CCDC171: variants seen among roughly 807,000 people sequenced by gnomAD.
CCDC171 encodes coiled-coil domain containing 171.
Under a neutral mutation model 168.2 loss-of-function variants are expected in CCDC171, and 177 were observed. That is an observed-to-expected ratio of 1.05 (90% CI 0.93 to 1.19). The LOEUF (loss-of-function observed/expected upper bound fraction) is 1.19, where lower values mean the gene tolerates loss of function less well. Ranked by LOEUF, CCDC171 falls within the 50% of genes most tolerant of loss-of-function variation. The pLI, the probability that CCDC171 is intolerant of heterozygous loss-of-function variation, is 0.00. For synonymous variants in CCDC171, 687 were observed against 540.8 expected (o/e 1.27, Z -3.75); for missense variants, 1,991 against 1,539.0 (o/e 1.29, Z -4.91).
At chr9:15,583,551 A>C (rs891055205) in intron 4 of CCDC171, among the ~76,000 whole-genome samples, 1 of 152,342 alleles carries the variant, frequency 6.6e-6, no homozygotes, top group African/African-American at 2.4e-5. Context: ...AGGAATAGAA[A>C]ACCACTTATA....
At chr9:16,104,876 A>T in the CCDC171 span, among the ~76,000 whole-genome samples, 3 of 152,192 alleles carry the variant, frequency 2.0e-5, no homozygotes, top group African/African-American at 7.2e-5. Context: ...AGACATAAGT[A>T]ATCACAGATA....
chr9:15,894,297 G>A (rs907205418), intron 24 of CCDC171, among the ~76,000 whole-genome samples: 3 of 152,038 alleles, frequency 2.0e-5, no homozygotes, highest in East Asian at 1.9e-4. Flanking sequence ...TGGGGGAAGA[G>A]CATCAGGAAG....
chr9:15,979,277 G>A (rs1045380539), intron 3 of CCDC171, among the ~76,000 whole-genome samples: 1 of 151,960 alleles, frequency 6.6e-6, no homozygotes, highest in Admixed American at 6.6e-5. Flanking sequence ...AATGCCTTTC[G>A]TTTCTTCTTC....
chr9:16,023,598 G>A (rs1224044104), intron 6 of CCDC171, among the ~76,000 whole-genome samples: 1 of 152,194 alleles, frequency 6.6e-6, no homozygotes, highest in Non-Finnish European at 1.5e-5. Context: ...ATGTTTGCAT[G>A]AAGTCCCTGA....
intron 18 of CCDC171, among the ~76,000 whole-genome samples, chr9:15,761,206 T>C (rs2056427451): frequency 6.6e-6 from 1 of 152,190 alleles, no homozygotes; most frequent in African/African-American, 2.4e-5. Context: ...ATGACCCAAA[T>C]ATACCCCTGC....
the CCDC171 span, among the ~76,000 whole-genome samples, chr9:16,079,340 A>T: frequency 6.6e-6 from 1 of 152,224 alleles, no homozygotes; most frequent in Admixed American, 6.5e-5. Context: ...ATTTGGAGCT[A>T]GGGTCTTCAC....
chr9:16,079,821 C>A, the CCDC171 span, among the ~76,000 whole-genome samples: 1 of 152,184 alleles, frequency 6.6e-6, no homozygotes, highest in African/African-American at 2.4e-5. Flanking sequence ...ACAATGCTTA[C>A]AATTTAGCAG....
At position 15,675,040 on chromosome 9, in the gene CCDC171, G is replaced by T. The variant is rs535918953; in HGVS notation, c.1077-3718G>T. 9.9e-5 allele frequency among the ~76,000 whole-genome samples: 15 copies of T among 152,184 alleles called. No homozygotes were observed. The South Asian group carries it at 3.1e-3, about 32-fold the overall frequency. The stretch of plus-strand genomic sequence containing the variant: ...AAGGACTTGCTTTATGAATCTGGGT[G>T]CTCCTGTATTGGGCGAATATATATT... On this transcript the variant is annotated intron_variant, in intron 9 of 25. Transcript: ENST00000380701.
chr9:15,821,045 T>G lies in CCDC171; in HGVS notation c.3268-25657T>G, dbSNP rs1457758133. ...GGCTGGTTCAACATATGAAAATCAA[T>G]AAACATAATCCAGCATATAAACAGA... is the stretch of plus-strand genomic sequence containing the variant. On this transcript the variant is annotated intron_variant, in intron 21 of 25. Coordinates refer to ENST00000380701, the MANE Select transcript of CCDC171 (RefSeq NM_173550.4). Among the ~76,000 whole-genome samples, 5 of 117,340 alleles carry G rather than the reference T, an allele frequency of 4.3e-5. 2 individuals carry two copies. The highest frequency in any genetic ancestry group is 1.6e-4 in the African/African-American group (5 of 31,164). The allele number at this position is 117,340 out of a possible 152,430, so 77.0% of individuals were successfully genotyped here.
intron 24 of CCDC171, 140 bp downstream of exon 24, chr9:15,874,803 A>C: frequency 2.6e-6 from 2 of 782,940 alleles, no homozygotes; most frequent in East Asian, 3.2e-5. Flanking sequence ...TTCTTCTATC[A>C]TGTAACAGTA....
intron 7 of CCDC171, among the ~76,000 whole-genome samples, chr9:15,650,056 A>C (rs998119979): frequency 2.0e-5 from 3 of 152,222 alleles, no homozygotes; most frequent in African/African-American, 7.2e-5. Flanking sequence ...ACACCATGGA[A>C]TACTATGCAG....
rs1161417651 is a variant in CCDC171 at position 15,904,519 on chromosome 9, G to A, written c.3601-15751G>A. 2.0e-5 allele frequency among the ~76,000 whole-genome samples: 3 copies of A among 151,950 alleles called. No individual in the cohort carries two copies. The East Asian group carries it at 5.8e-4, about 30-fold the overall frequency. On this transcript the variant is annotated intron_variant, in intron 24 of 25. Coordinates refer to ENST00000380701, the MANE Select transcript of CCDC171 (RefSeq NM_173550.4). ...GCCTGCCCTAAAAGAGCTCCTGAAG[G>A]AAGCACTAAACATGGAAAGGGACAA...
the CCDC171 span, among the ~76,000 whole-genome samples, chr9:16,073,907 A>C: frequency 4.6e-5 from 7 of 152,162 alleles, no homozygotes; most frequent in South Asian, 2.1e-4. Flanking sequence ...GGCTTTCAAA[A>C]TTTCACTTAA....
At chr9:15,947,974 G>C (rs9407694) in intron 25 of CCDC171, among the ~76,000 whole-genome samples, 117,267 of 146,834 alleles carry the variant, frequency 0.8, 47,316 homozygotes, top group East Asian at 0.96. Flanking sequence ...ATCCCTCCCC[G>C]CTGCCCCCAC....
chr9:15,969,645 A>G (rs562185651), intron 25 of CCDC171, among the ~76,000 whole-genome samples: 4 of 152,198 alleles, frequency 2.6e-5, no homozygotes, highest in East Asian at 1.9e-4. Context: ...TTTTCTGACA[A>G]TAAAATATTC....
intron 7 of CCDC171, among the ~76,000 whole-genome samples, chr9:15,629,335 A>C (rs542959371): frequency 1.1e-4 from 16 of 152,300 alleles, no homozygotes; most frequent in African/African-American, 3.6e-4. Context: ...TGCTTAAAGG[A>C]GGTGATGGAG....
chr9:15,903,646 C>A (rs972819302), intron 24 of CCDC171, among the ~76,000 whole-genome samples: 3 of 152,204 alleles, frequency 2.0e-5, no homozygotes, highest in Admixed American at 6.5e-5. Context: ...GAACTCGGCT[C>A]CTCACCAGCA....
chr9:15,705,876 A>G (rs1447906127), intron 11 of CCDC171, among the ~76,000 whole-genome samples: 3 of 152,210 alleles, frequency 2.0e-5, no homozygotes, highest in African/African-American at 7.2e-5. Context: ...AATATGAATG[A>G]ATTAATATCA....
chr9:16,087,668 C>A, the CCDC171 span, among the ~76,000 whole-genome samples: 1 of 145,002 alleles, frequency 6.9e-6, no homozygotes, highest in East Asian at 2.2e-4. Flanking sequence ...CTGTTGAATA[C>A]AGCACACTGA....
Sources: allele counts gnomAD v4.1 joint callset (sites outside exome capture counted in the v4.1 genomes callset), GRCh38; gene constraint gnomAD v4.1.1; transcripts MANE v1.5; gene names NCBI Gene and HGNC (gene_info 2026-07-23, HGNC 2026-07-21).